Variants in ADGRL3 observed in about 807,000 individuals in gnomAD.
ADGRL3 encodes adhesion G protein-coupled receptor L3, also known as calcium-independent alpha-latrotoxin receptor 3.
In ADGRL3, 62 loss-of-function variants were observed where a neutral mutation model predicts 153.5. That is an observed-to-expected ratio of 0.40 (90% CI 0.33 to 0.50). ADGRL3 has a LOEUF of 0.50. Among genes scored for constraint, ADGRL3 ranks in the 20% least tolerant of loss-of-function variants. ADGRL3 has a pLI of 0.47. For synonymous variants in ADGRL3, 710 were observed against 672.5 expected (o/e 1.06, Z -0.86); for missense variants, 1,641 against 1,859.4 (o/e 0.88, Z 2.16).
At position 61,357,072 on chromosome 4, in the gene ADGRL3, G is replaced by A. The variant is rs189866067; in HGVS notation, c.-239-26052G>A. 1.8e-3 allele frequency among the ~76,000 whole-genome samples: 266 copies of A among 151,594 alleles called. 1 individual carries two copies. The highest frequency in any genetic ancestry group is 5.9e-3 in the African/African-American group (242 of 41,338). On this transcript the variant is annotated intron_variant, in intron 1 of 26. Transcript: ENST00000683033. Reference sequence around the variant, plus strand: ...GTGTCATTAATTTTAAATTCTGCCCGCACATACTCAGTTCATTAGCATTAG... The same window carrying A: ...GTGTCATTAATTTTAAATTCTGCCCACACATACTCAGTTCATTAGCATTAG...
chr4:62,052,957 T>C (rs374465292), intron 25 of ADGRL3, among the ~76,000 whole-genome samples: 1 of 151,520 alleles, frequency 6.6e-6, no homozygotes, highest in South Asian at 2.1e-4. Flanking sequence ...AATTCTGGTT[T>C]TAACAAAAAC....
intron 18 of ADGRL3, 43 bp downstream of exon 18, chr4:61,979,815 C>A: frequency 6.5e-7 from 1 of 1,531,026 alleles, no homozygotes; most frequent in South Asian, 1.1e-5. Context: ...TTTTCCACTT[C>A]CAGCTTTTCA....
At chr4:61,232,738 A>G (rs1415016883) in intron 1 of ADGRL3, among the ~76,000 whole-genome samples, 1 of 152,196 alleles carries the variant, frequency 6.6e-6, no homozygotes, top group Non-Finnish European at 1.5e-5. Flanking sequence ...CATGTAAACC[A>G]TTTAGAACAG....
chr4:61,726,662 A>G (rs906481703), intron 6 of ADGRL3, among the ~76,000 whole-genome samples: 20 of 152,270 alleles, frequency 1.3e-4, no homozygotes, highest in African/African-American at 4.3e-4. Context: ...CTGCCATGTG[A>G]TAAGGGTACC....
intron 2 of ADGRL3, among the ~76,000 whole-genome samples, chr4:61,386,327 A>G (rs1389836824): frequency 6.6e-6 from 1 of 152,140 alleles, no homozygotes; most frequent in Non-Finnish European, 1.5e-5. Context: ...GCTAGCCAAA[A>G]ACTTAAAATA....
intron 4 of ADGRL3, among the ~76,000 whole-genome samples, chr4:61,540,586 T>G (rs146118249): frequency 2.6e-5 from 4 of 151,748 alleles, no homozygotes; most frequent in African/African-American, 9.7e-5. Flanking sequence ...GAAAAAAAAA[T>G]ACAATGGATT....
intron 4 of ADGRL3, among the ~76,000 whole-genome samples, chr4:61,570,207 C>G (rs914077721): frequency 6.6e-6 from 1 of 152,032 alleles, no homozygotes; most frequent in Non-Finnish European, 1.5e-5. Flanking sequence ...GTGAACTTAT[C>G]TTTGCTATCT....
At chr4:61,680,398 A>G (rs1430301849) in intron 6 of ADGRL3, among the ~76,000 whole-genome samples, 1 of 142,152 alleles carries the variant, frequency 7.0e-6, no homozygotes, top group African/African-American at 2.7e-5. Flanking sequence ...TTAAATTTAT[A>G]CATACTCGTG....
At chr4:61,521,797 A>G (rs575839989) in intron 4 of ADGRL3, among the ~76,000 whole-genome samples, 63 of 152,284 alleles carry the variant, frequency 4.1e-4, no homozygotes, top group African/African-American at 1.5e-3. Context: ...GTAGGCAAGG[A>G]ATAATGATGT....
At chr4:61,690,279 T>C (rs2095516678) in intron 6 of ADGRL3, among the ~76,000 whole-genome samples, 1 of 152,066 alleles carries the variant, frequency 6.6e-6, no homozygotes, top group East Asian at 1.9e-4. Flanking sequence ...ACCATGTCTG[T>C]ACAAAAAATA....
intron 9 of ADGRL3, among the ~76,000 whole-genome samples, chr4:61,889,133 G>T (rs2098555525): frequency 6.6e-6 from 1 of 152,056 alleles, no homozygotes; most frequent in South Asian, 2.1e-4. Context: ...TCCTAGTCGG[G>T]CACAATACTA....
rs765771949 is a variant in ADGRL3, at chr4:61,291,218, G to GCACA, written c.-240+89463_-240+89466dup. Among the ~76,000 whole-genome samples the GCACA allele has an allele frequency of 3.4e-3, 451 of 134,024 alleles. 7 individuals carry two copies. Among genetic ancestry groups the GCACA allele is most frequent in the African/African-American group, 9.5e-3 (339 of 35,652 alleles). 87.9% of individuals were successfully genotyped at this position (134,024 alleles called of 152,430 possible). On this transcript the variant is annotated intron_variant, in intron 1 of 26. Coordinates refer to ENST00000683033, the MANE Select transcript of ADGRL3 (RefSeq NM_001387552.1). ...CACACACACACACACACACACACACGCACACACACACACCCCTCTGTGTCC... is the reference window on the plus strand; with the variant it reads ...CACACACACACACACACACACACACGCACACACACACACACACCCCTCTGTGTCC...
chr4:61,784,796 C>T (rs755228235), intron 8 of ADGRL3, among the ~76,000 whole-genome samples: 13 of 152,052 alleles, frequency 8.5e-5, no homozygotes, highest in South Asian at 2.1e-4. Context: ...ATCCAATAGA[C>T]GAAAGGTTGA....
At chr4:62,010,036 CT>C (rs1428582143) in intron 21 of ADGRL3, among the ~76,000 whole-genome samples, 1 of 152,130 alleles carries the variant, frequency 6.6e-6, no homozygotes, top group Non-Finnish European at 1.5e-5. Flanking sequence ...TTCATGCCCT[CT>C]CCAGGAAGCC....
chr4:61,552,747 G>T (rs1049449494), intron 4 of ADGRL3, among the ~76,000 whole-genome samples: 1 of 152,072 alleles, frequency 6.6e-6, no homozygotes, highest in Non-Finnish European at 1.5e-5. Context: ...GGACTTATAG[G>T]CATGAACCAC....
intron 1 of ADGRL3, among the ~76,000 whole-genome samples, chr4:61,208,151 A>C (rs1738208010): frequency 6.6e-6 from 1 of 152,130 alleles, no homozygotes; most frequent in African/African-American, 2.4e-5. Flanking sequence ...GTCAAGGGGA[A>C]AATATCTGGA....
intron 1 of ADGRL3, among the ~76,000 whole-genome samples, chr4:61,250,990 A>G (rs1759007197): frequency 6.6e-6 from 1 of 152,244 alleles, no homozygotes; most frequent in South Asian, 2.1e-4. Context: ...AAATTAACTT[A>G]GAAAACTAGA....
intron 4 of ADGRL3, among the ~76,000 whole-genome samples, chr4:61,585,651 GAC>G (rs2149337502): frequency 6.6e-6 from 1 of 152,090 alleles, no homozygotes; most frequent in South Asian, 2.1e-4. Flanking sequence ...CAACTTATTT[GAC>G]AGTTAGTAAA....
chr4:61,249,276 G>C (rs1409472346), intron 1 of ADGRL3, among the ~76,000 whole-genome samples: 1 of 152,162 alleles, frequency 6.6e-6, no homozygotes. Context: ...AGGATTAACT[G>C]TGTCCAACAG....
Sources: gnomAD v4.1 joint callset for allele counts (sites outside exome capture counted in the v4.1 genomes callset) on GRCh38, gnomAD v4.1.1 for gene constraint, MANE v1.5 for transcripts, NCBI Gene and HGNC (gene_info 2026-07-23, HGNC 2026-07-21) for gene names.